BANP: variants seen among roughly 807,000 people sequenced by gnomAD.
BANP encodes the protein BTG3 associated nuclear protein, also known as protein BANP.
A neutral mutation model predicts 68.1 loss-of-function variants in BANP; 11 were observed. The observed-to-expected ratio is 0.16, with a 90% CI of 0.10 to 0.27. The LOEUF (loss-of-function observed/expected upper bound fraction) is 0.27, where lower values mean the gene tolerates loss of function less well. BANP is among the 10% of genes least tolerant of loss of function. The pLI, the probability that BANP is intolerant of heterozygous loss-of-function variation, is 1.00. For missense variants in BANP, 504 were observed against 722.7 expected (o/e 0.70, Z 3.47); for synonymous variants, 329 against 303.2 (o/e 1.09, Z -0.88).
In BANP at chr16:88,035,636, GGTAGATGTTTCTACTGCTGGCTGGAA is replaced by G. The variant is rs549560581; in HGVS notation, c.1272+245_1272+270del. 1.0e-3 allele frequency among the ~76,000 whole-genome samples: 155 copies of G among 152,334 alleles called. 3 individuals carry two copies. In the East Asian group the frequency reaches 0.028, roughly 28 times the overall value. The stretch of plus-strand genomic sequence containing the variant: ...GGTCTGTCTTGGTAAAGATCTCCTG[GGTAGATGTTTCTACTGCTGGCTGGAA>G]GTGCCCTCTGAGTACCCTTCTCTCC... On this transcript the variant is annotated intron_variant, in intron 10 of 13. Coordinates refer to ENST00000682872, the MANE Select transcript of BANP (RefSeq NM_001386991.1).
intron 11 of BANP, among the ~76,000 whole-genome samples, chr16:88,051,089 T>G (rs2083154968): frequency 6.6e-6 from 1 of 152,224 alleles, no homozygotes; most frequent in Admixed American, 6.5e-5. Context: ...TCCCGTGATC[T>G]CTTGCTGCCA....
At chr16:88,009,273 G>A (rs1183557505) in intron 6 of BANP, among the ~76,000 whole-genome samples, 1 of 152,208 alleles carries the variant, frequency 6.6e-6, no homozygotes, top group African/African-American at 2.4e-5. Flanking sequence ...AGGAATATGG[G>A]AAGTGCTAAA....
intron 3 of BANP, among the ~76,000 whole-genome samples, chr16:87,983,053 C>T (rs1228850673): frequency 6.6e-6 from 1 of 152,060 alleles, no homozygotes; most frequent in Admixed American, 6.5e-5. Context: ...TCAGTGCCAC[C>T]CCTGCTGTCT....
At chr16:87,962,186 G>A (rs2059280500) in intron 1 of BANP, among the ~76,000 whole-genome samples, 2 of 141,442 alleles carry the variant, frequency 1.4e-5, no homozygotes, top group South Asian at 4.3e-4. Flanking sequence ...GTTGCAGTGA[G>A]CCGAGATCAT....
chr16:88,057,319 C>G lies in BANP; in HGVS notation c.1312-7948C>G, dbSNP rs1158381364. On this transcript the variant is annotated intron_variant, in intron 11 of 13. Coordinates refer to ENST00000682872, the MANE Select transcript of BANP (RefSeq NM_001386991.1). The surrounding 1 kb of genome is among the most constrained non-coding windows in gnomAD (Gnocchi z 4.6). Reference sequence around the variant, plus strand: ...CTAATGGATGTGTAGACTCTTTTGCCCCAAGAATTATCTTCTGGAAGGCTA... The same window carrying G: ...CTAATGGATGTGTAGACTCTTTTGCGCCAAGAATTATCTTCTGGAAGGCTA... Among the ~76,000 whole-genome samples the G allele has an allele frequency of 6.6e-6, 1 of 151,990 alleles. No homozygotes were observed. The highest frequency in any genetic ancestry group is 1.5e-5 in the Non-Finnish European group (1 of 67,982).
intron 11 of BANP, among the ~76,000 whole-genome samples, chr16:88,043,807 A>G (rs537627907): frequency 6.6e-6 from 1 of 152,172 alleles, no homozygotes; most frequent in Non-Finnish European, 1.5e-5. Context: ...TTGTCTAAGG[A>G]ATTTCAATTT....
intron 12 of BANP, among the ~76,000 whole-genome samples, chr16:88,070,888 C>T (rs1454352094): frequency 1.3e-5 from 2 of 152,384 alleles, no homozygotes; most frequent in East Asian, 3.9e-4. Context: ...TACTTCGTAT[C>T]TTTAAAAGGC....
At position 88,004,182 on chromosome 16, in the gene BANP, C is replaced by T. The variant is rs1598348804; in HGVS notation, c.363-113C>T. 2 of 722,250 alleles carry T rather than the reference C, an allele frequency of 2.8e-6. No individual in the cohort carries two copies. The highest frequency in any genetic ancestry group is 2.7e-5 in the East Asian group (1 of 36,838). The allele number at this position is 722,250 out of a possible 1,614,324, so 44.7% of individuals were successfully genotyped here. On this transcript the variant is annotated intron_variant, in intron 4 of 13. Coordinates refer to ENST00000682872, the MANE Select transcript of BANP (RefSeq NM_001386991.1). The surrounding 1 kb of genome is among the most constrained non-coding windows in gnomAD (Gnocchi z 7.0). Reference sequence around the variant, plus strand: ...TATGTTGAATGACTCTTAGGCCTCCCCCTCAGTGCGGGTCCCTGGGAGTGG... The same window carrying T: ...TATGTTGAATGACTCTTAGGCCTCCTCCTCAGTGCGGGTCCCTGGGAGTGG...
At chr16:88,029,802 A>G (rs1224953570) in intron 8 of BANP, among the ~76,000 whole-genome samples, 1 of 152,208 alleles carries the variant, frequency 6.6e-6, no homozygotes, top group African/African-American at 2.4e-5. Context: ...GGACAGGGAG[A>G]TACCGGGCAG....
chr16:88,039,448 G>A (rs1227517949), intron 11 of BANP, among the ~76,000 whole-genome samples: 5 of 144,946 alleles, frequency 3.4e-5, no homozygotes, highest in African/African-American at 1.2e-4. Flanking sequence ...AGTGGTTTAT[G>A]GTTCTGCTGG....
intron 6 of BANP, among the ~76,000 whole-genome samples, chr16:88,014,459 C>G (rs762043294): frequency 3.3e-5 from 5 of 151,988 alleles, no homozygotes; most frequent in Non-Finnish European, 7.4e-5. Flanking sequence ...GGAGAGCCCA[C>G]GTCATCCCTC....
chr16:87,987,712 C>CAAAAAAAAAAAAAAAAAAAAAAAA (rs66648819), intron 4 of BANP, among the ~76,000 whole-genome samples: 6 of 30,370 alleles, frequency 2.0e-4, no homozygotes, highest in African/African-American at 2.5e-4. Context: ...GACCCTAACT[C>CAAAAAAAAAAAAAAAAAAAAAAAA]AAAAAAAAAA....
upstream of BANP, among the ~76,000 whole-genome samples, chr16:87,950,065 G>A (rs1384241451): frequency 6.6e-6 from 1 of 151,966 alleles, no homozygotes; most frequent in Non-Finnish European, 1.5e-5. Context: ...TTTTAGTAGA[G>A]ACGGGGTTTC....
intron 11 of BANP, among the ~76,000 whole-genome samples, chr16:88,051,486 C>T (rs546408986): frequency 2.6e-5 from 4 of 152,330 alleles, no homozygotes; most frequent in African/African-American, 4.8e-5. Context: ...GTGCCTCACG[C>T]GCAGTAGGCA....
Position 87,954,951 on chromosome 16 carries a change from C to T in BANP, c.-69+3436C>T, listed in dbSNP as rs541398293. 4.6e-5 allele frequency among the ~76,000 whole-genome samples: 7 copies of T among 152,362 alleles called. 1 individual carries two copies. The highest frequency in any genetic ancestry group is 9.6e-5 in the African/African-American group (4 of 41,596). ...CAGTCAACGGGGTGAGGTGCCAAGCCGCCGTTCCACAGCCGCCTCTGAATT... is the reference window on the plus strand; with the variant it reads ...CAGTCAACGGGGTGAGGTGCCAAGCTGCCGTTCCACAGCCGCCTCTGAATT... On this transcript the variant is annotated intron_variant, in intron 1 of 13. Transcript: ENST00000682872.
chr16:87,966,920 G>C (rs1216649784), intron 1 of BANP: 2 of 152,382 alleles, frequency 1.3e-5, no homozygotes, highest in African/African-American at 4.8e-5. Flanking sequence ...CCCTGGACGG[G>C]AGGGGCCTGG....
intron 6 of BANP, among the ~76,000 whole-genome samples, chr16:88,015,915 T>G (rs1163348035): frequency 1.3e-5 from 2 of 152,222 alleles, no homozygotes. Context: ...GCGGCCCCGG[T>G]TCACATTGGA....
At chr16:87,958,938 A>G (rs2058607768) in intron 1 of BANP, among the ~76,000 whole-genome samples, 1 of 152,210 alleles carries the variant, frequency 6.6e-6, no homozygotes, top group African/African-American at 2.4e-5. Context: ...GCAGACATAG[A>G]GAATTCTCAT....
chr16:88,033,271 T>G, intron 9 of BANP, 26 bp downstream of exon 9: 1 of 1,526,102 alleles, frequency 6.6e-7, no homozygotes, highest in Non-Finnish European at 8.9e-7. Context: ...ACCTCACACC[T>G]TGGGAAAGGG....
Sources: gnomAD v4.1 joint callset for allele counts (sites outside exome capture counted in the v4.1 genomes callset) on GRCh38, gnomAD v4.1.1 for gene constraint, Gnocchi (gnomAD v3.1) non-coding constraint, MANE v1.5 for transcripts, NCBI Gene and HGNC (gene_info 2026-07-23, HGNC 2026-07-21) for gene names.